Variants in FGF9 observed in about 807,000 individuals in gnomAD.
The protein encoded by FGF9 is fibroblast growth factor 9 (glia-activating factor).
In FGF9, 3 loss-of-function variants were observed where a neutral mutation model predicts 19.9. The ratio of observed to expected loss-of-function variants is 0.15; its 90% CI spans 0.07 to 0.39. FGF9 has a LOEUF of 0.39. FGF9 is among the 10% of genes least tolerant of loss of function. The probability of loss-of-function intolerance (pLI) is 1.00; values close to 1 mark genes in which losing one functional copy is unlikely to be tolerated. For missense variants in FGF9, 175 were observed against 256.8 expected, an observed-to-expected ratio of 0.68 and a Z score of 2.18; for synonymous variants, 107 against 106.9, an observed-to-expected ratio of 1.00 and a Z score of -0.01.
At chr13:21,698,911 T>C (rs1298716721) in intron 2 of FGF9, among the ~76,000 whole-genome samples, 2 of 152,352 alleles carry the variant, frequency 1.3e-5, no homozygotes, top group South Asian at 2.1e-4. Flanking sequence ...TGCACATATT[T>C]GTTTAGAAAT....
intron 1 of FGF9, among the ~76,000 whole-genome samples, chr13:21,676,738 C>T (rs1426169004): frequency 6.6e-6 from 1 of 152,170 alleles, no homozygotes; most frequent in Non-Finnish European, 1.5e-5. Context: ...CTGAAGAGTG[C>T]GGTTCTGTAA....
chr13:21,701,413 A>T lies in FGF9; in HGVS notation c.605A>T (p.Lys202Met), dbSNP rs1565954891. 2.5e-6 allele frequency: 4 copies of T among 1,614,042 alleles called. No homozygotes were observed. The highest frequency in any genetic ancestry group is 3.4e-6 in the Non-Finnish European group (4 of 1,179,950). Reference protein sequence around the residue: ...VDPDKVPELYKDILSQS With the variant: ...VDPDKVPELYMDILSQS ...CCCGACAAAGTACCTGAACTGTATA[A>T]GGATATTCTAAGCCAAAGTTGACAA... Residue 202 changes from lysine to methionine, a missense_variant, in exon 3 of 3, where the codon AAG becomes ATG. By Grantham distance (95) the Lys-to-Met change is moderately conservative. Transcript: ENST00000382353.
intron 2 of FGF9, among the ~76,000 whole-genome samples, chr13:21,695,075 T>TGTGTGC (rs1474291368): frequency 6.8e-5 from 10 of 147,736 alleles, no homozygotes; most frequent in Non-Finnish European, 1.3e-4. Context: ...TGTGCGTGTG[T>TGTGTGC]GTGTGTGCGT....
chr13:21,678,678 C>T (rs775626025), intron 1 of FGF9, among the ~76,000 whole-genome samples: 5 of 152,146 alleles, frequency 3.3e-5, no homozygotes, highest in Admixed American at 1.3e-4. Flanking sequence ...TCAGCTACTC[C>T]GTGTGCAGGG....
Position 21,691,455 on chromosome 13 carries a change from A to G in FGF9, c.382-9735A>G, listed in dbSNP as rs552002454. ...CAACTTTGCTGCAGGGTTTAGAAAC[A>G]TGGAGGCTTCTGGATGTCTCCGGAT... On this transcript the variant is annotated intron_variant, in intron 2 of 2. Coordinates refer to ENST00000382353, the MANE Select transcript of FGF9 (RefSeq NM_002010.3). This position sits in a 1 kb window ranked among gnomAD's most constrained non-coding sequence, Gnocchi z 4.2. 6.6e-6 allele frequency among the ~76,000 whole-genome samples: 1 copy of G among 152,212 alleles called. No homozygotes were observed. Among genetic ancestry groups the G allele is most frequent in the African/African-American group, 2.4e-5 (1 of 41,468 alleles).
chr13:21,701,696 T>G lies in FGF9; in HGVS notation c.*261T>G. ...GAGGAGAGAGAGAGAGACTGAGCGC[T>G]AGGAGTGTGTGTATGTGTGTGTGTG... On this transcript the variant is annotated 3_prime_UTR_variant, in exon 3 of 3. Coordinates refer to ENST00000382353, the MANE Select transcript of FGF9 (RefSeq NM_002010.3). 3.2e-5 allele frequency: 15 copies of G among 464,770 alleles called. No homozygotes were observed. The highest frequency in any genetic ancestry group is 8.6e-5 in the East Asian group (2 of 23,186). 28.8% of individuals were successfully genotyped at this position (464,770 alleles called of 1,614,324 possible).
chr13:21,686,803 C>G (rs1322831438), intron 2 of FGF9, among the ~76,000 whole-genome samples: 1 of 152,184 alleles, frequency 6.6e-6, no homozygotes, highest in African/African-American at 2.4e-5. Context: ...ACATGAGCAT[C>G]GAATAGTGAT....
intron 1 of FGF9, among the ~76,000 whole-genome samples, chr13:21,678,227 C>T (rs1311025420): frequency 6.6e-6 from 1 of 152,218 alleles, no homozygotes; most frequent in East Asian, 1.9e-4. Context: ...AGATAGATAT[C>T]TTGATATCTT....
chr13:21,675,924 CT>C (rs58436546), intron 1 of FGF9, among the ~76,000 whole-genome samples: 9,681 of 137,430 alleles, frequency 0.07, 738 homozygotes, highest in African/African-American at 0.2. Flanking sequence ...TTGAAGGAGC[CT>C]TTTTTTTTTT....
intron 1 of FGF9, among the ~76,000 whole-genome samples, chr13:21,677,243 C>T (rs1041681182): frequency 2.0e-5 from 3 of 152,218 alleles, no homozygotes; most frequent in Non-Finnish European, 1.5e-5. Flanking sequence ...GACAGGCTGC[C>T]ATGGTACACA....
At chr13:21,685,354 T>C (rs1404528409) in intron 2 of FGF9, among the ~76,000 whole-genome samples, 1 of 152,214 alleles carries the variant, frequency 6.6e-6, no homozygotes, top group Admixed American at 6.5e-5. Context: ...ATCTATGTAG[T>C]TTTTGTTTGC....
At chr13:21,697,975 T>C (rs1428171040) in intron 2 of FGF9, among the ~76,000 whole-genome samples, 2 of 152,040 alleles carry the variant, frequency 1.3e-5, no homozygotes, top group African/African-American at 4.8e-5. Context: ...GCCTGGCTAA[T>C]ATTTTTGTAT....
intron 2 of FGF9, among the ~76,000 whole-genome samples, chr13:21,685,883 A>G (rs940646675): frequency 6.6e-6 from 1 of 152,202 alleles, no homozygotes; most frequent in Non-Finnish European, 1.5e-5. Context: ...AAATGTCACA[A>G]TTAAAATACG....
Position 21,688,409 on chromosome 13 carries a change from C to T in FGF9, c.381+7264C>T, listed in dbSNP as rs149012778. On this transcript the variant is annotated intron_variant, in intron 2 of 2. Transcript: ENST00000382353. ...TGCCTTATGCTGTGTTTCATATGTG[C>T]GTGACCAATTTTCAAAGAATTGAAT... 1.5e-3 allele frequency among the ~76,000 whole-genome samples: 233 copies of T among 152,264 alleles called. 2 individuals carry two copies. Among genetic ancestry groups the T allele is most frequent in the African/African-American group, 5.2e-3 (214 of 41,544 alleles).
chr13:21,672,650 G>T lies in FGF9; in HGVS notation c.277+461G>T, dbSNP rs9580186. 0.27 allele frequency among the ~76,000 whole-genome samples: 41,532 copies of T among 152,066 alleles called. 7,023 individuals carry two copies. Among genetic ancestry groups the T allele is most frequent in the East Asian group, 0.4 (2,068 of 5,166 alleles). ...CTTTCCTCTAGTAAGTATACTACTT[G>T]AATTGTATATTAAGTGCATTGTTTA... On this transcript the variant is annotated intron_variant, in intron 1 of 2. Coordinates refer to ENST00000382353, the MANE Select transcript of FGF9 (RefSeq NM_002010.3). The surrounding 1 kb of genome is among the most constrained non-coding windows in gnomAD (Gnocchi z 4.2).
intron 2 of FGF9, among the ~76,000 whole-genome samples, chr13:21,685,272 G>A (rs9506721): frequency 0.37 from 56,437 of 151,630 alleles, 10,649 homozygotes; most frequent in East Asian, 0.44. Flanking sequence ...AATCACTTTC[G>A]TAAAGTAAAT....
At chr13:21,679,889 GGAGCTTGCAGT>G (rs1394230641) in intron 1 of FGF9, among the ~76,000 whole-genome samples, 1 of 150,602 alleles carries the variant, frequency 6.6e-6, no homozygotes, top group Non-Finnish European at 1.5e-5. Context: ...TCCGGGAGGC[GGAGCTTGCAGT>G]GAGCCAAGAT....
intron 2 of FGF9, among the ~76,000 whole-genome samples, chr13:21,688,775 G>T (rs1365029605): frequency 1.4e-5 from 2 of 144,554 alleles, no homozygotes; most frequent in African/African-American, 5.0e-5. Flanking sequence ...TTTTCCAGTA[G>T]CCTAGTTTTA....
intron 2 of FGF9, among the ~76,000 whole-genome samples, chr13:21,700,408 A>G (rs1872513648): frequency 1.3e-5 from 2 of 152,230 alleles, no homozygotes; most frequent in South Asian, 2.1e-4. Flanking sequence ...TTAAAAATGC[A>G]TATTTTGAGA....
Sources: gnomAD v4.1 joint callset for allele counts (sites outside exome capture counted in the v4.1 genomes callset) on GRCh38, gnomAD v4.1.1 for gene constraint, Gnocchi (gnomAD v3.1) non-coding constraint, MANE v1.5 for transcripts, NCBI Gene and HGNC (gene_info 2026-07-23, HGNC 2026-07-21) for gene names.